Variants in RAPH1 observed in about 807,000 individuals in gnomAD.
The protein encoded by RAPH1 is ras-associated and pleckstrin homology domains-containing protein 1.
In RAPH1, 18 loss-of-function variants were observed where a neutral mutation model predicts 88.1. The observed-to-expected ratio is 0.20, with a 90% CI of 0.14 to 0.30. RAPH1 has a LOEUF of 0.30. Ranked by LOEUF, RAPH1 falls within the 10% of genes least tolerant of loss-of-function variation. The pLI is 1.00. For synonymous variants in RAPH1, 587 were observed against 559.0 expected (o/e 1.05, Z -0.71); for missense variants, 1,448 against 1,543.2 (o/e 0.94, Z 1.03).
At chr2:203,530,891 CAAA>C (rs201025369) in intron 1 of RAPH1, among the ~76,000 whole-genome samples, 1 of 114,096 alleles carries the variant, frequency 8.8e-6, no homozygotes. Flanking sequence ...GACTCCATCT[CAAA>C]AAAAAAAAAA....
intron 10 of RAPH1, among the ~76,000 whole-genome samples, chr2:203,451,752 C>T (rs1438095560): frequency 6.6e-6 from 1 of 152,214 alleles, no homozygotes; most frequent in African/African-American, 2.4e-5. Context: ...CTCCTCCCCA[C>T]TTCTTTCCTG....
intron 10 of RAPH1, among the ~76,000 whole-genome samples, chr2:203,451,033 T>C (rs555867673): frequency 3.3e-5 from 5 of 152,308 alleles, no homozygotes; most frequent in African/African-American, 1.2e-4. Flanking sequence ...TATGAGTCTT[T>C]TTAAGTCAAG....
intron 1 of RAPH1, among the ~76,000 whole-genome samples, chr2:203,529,428 C>G (rs1031848703): frequency 3.9e-5 from 6 of 152,198 alleles, no homozygotes; most frequent in African/African-American, 1.4e-4. Flanking sequence ...ATGGCGCCAT[C>G]TCGGCTCACC....
intron 4 of RAPH1, 22 bp downstream of exon 4, chr2:203,489,562 G>C: frequency 7.0e-7 from 1 of 1,426,140 alleles, no homozygotes; most frequent in Non-Finnish European, 9.3e-7. Flanking sequence ...AAAATACCAG[G>C]GAAAAAGTTC....
intron 4 of RAPH1, among the ~76,000 whole-genome samples, chr2:203,468,136 C>T (rs2098530086): frequency 6.6e-6 from 1 of 152,092 alleles, no homozygotes; most frequent in Admixed American, 6.5e-5. Context: ...TGCTGTATCT[C>T]CAGGGTCATA....
intron 4 of RAPH1, among the ~76,000 whole-genome samples, chr2:203,472,898 T>G (rs2098534379): frequency 6.6e-6 from 1 of 152,192 alleles, no homozygotes; most frequent in Non-Finnish European, 1.5e-5. Context: ...TAATTGTATC[T>G]GATTAATGAC....
chr2:203,455,286 CT>C (rs2098518428), intron 9 of RAPH1, 150 bp downstream of exon 9: 2 of 661,040 alleles, frequency 3.0e-6, no homozygotes, highest in South Asian at 7.3e-5. Flanking sequence ...GTTTCTTCTT[CT>C]TTATAATAGA....
Position 203,510,310 on chromosome 2 carries a change from T to C in RAPH1, c.1-14957A>G, listed in dbSNP as rs545832156. Among the ~76,000 whole-genome samples the C allele has an allele frequency of 1.9e-3, 212 of 110,106 alleles. 7 individuals are homozygous for C. Among genetic ancestry groups the C allele is most frequent in the Middle Eastern group, 0.01 (1 of 96 alleles). 72.2% of individuals were successfully genotyped at this position (110,106 alleles called of 152,430 possible). ...GAGATCATGCCACTGCACTGCAGCCTGGGTGATAGAGCAAAACTCCATCTC... is the reference window on the plus strand; with the variant it reads ...GAGATCATGCCACTGCACTGCAGCCCGGGTGATAGAGCAAAACTCCATCTC... On this transcript the variant is annotated intron_variant, in intron 1 of 13. Coordinates refer to ENST00000319170, the MANE Select transcript of RAPH1 (RefSeq NM_213589.3).
chr2:203,509,421 T>C (rs572096432), intron 1 of RAPH1, among the ~76,000 whole-genome samples: 2 of 152,158 alleles, frequency 1.3e-5, no homozygotes, highest in Admixed American at 6.5e-5. Flanking sequence ...CAGAAAAAAA[T>C]CAGAATTCGG....
intron 4 of RAPH1, among the ~76,000 whole-genome samples, chr2:203,486,653 T>C (rs1048179188): frequency 2.0e-5 from 3 of 152,216 alleles, no homozygotes; most frequent in South Asian, 4.1e-4. Context: ...ACATATCTCA[T>C]AGAACTATTT....
intron 4 of RAPH1, among the ~76,000 whole-genome samples, chr2:203,481,773 T>G (rs1581328799): frequency 6.7e-6 from 1 of 150,012 alleles, no homozygotes; most frequent in East Asian, 2.0e-4. Context: ...TTTTTTTTTT[T>G]GTATTTTTAG....
chr2:203,494,424 C>T (rs946312317), intron 2 of RAPH1, among the ~76,000 whole-genome samples: 3 of 151,990 alleles, frequency 2.0e-5, no homozygotes, highest in Non-Finnish European at 2.9e-5. Flanking sequence ...AACCCAAGAT[C>T]GAATAAAGCA....
At position 203,439,886 on chromosome 2, in the gene RAPH1, C is replaced by G; in HGVS notation, c.3304G>C (p.Ala1102Pro). 1 of 1,613,824 alleles carries G rather than the reference C, an allele frequency of 6.2e-7. No homozygotes were observed. The highest frequency in any genetic ancestry group is 8.5e-7 in the Non-Finnish European group (1 of 1,180,004). ...VFSGNTSPKVAVVNPQPQQWS... is the reference protein window; with the variant it reads ...VFSGNTSPKVPVVNPQPQQWS... ...TGTTGTGGTTGAGGATTAACGACTG[C>G]CACTTTTGGAGAGGTGTTTCCCGAG... is the stretch of plus-strand genomic sequence containing the variant. Residue 1102 changes from alanine to proline, a missense_variant, in exon 14 of 14, where the codon GCA (alanine) becomes CCA (proline). By Grantham distance (27) the Ala-to-Pro change is conservative (BLOSUM62 -1). Around this residue, in one of 2 missense-constraint regions of RAPH1, gnomAD observed 935 missense variants for 890.1 expected, o/e 1.05. Coordinates refer to ENST00000319170, the MANE Select transcript of RAPH1 (RefSeq NM_213589.3).
intron 1 of RAPH1, among the ~76,000 whole-genome samples, chr2:203,506,881 GATAT>G (rs1206268313): frequency 6.6e-5 from 2 of 30,348 alleles, no homozygotes; most frequent in African/African-American, 3.3e-4. Flanking sequence ...TATATATATA[GATAT>G]ATATATATAT....
At chr2:203,506,812 C>CTATATATCTATATATATATCTATA (rs71007524) in intron 1 of RAPH1, among the ~76,000 whole-genome samples, 2 of 52,196 alleles carry the variant, frequency 3.8e-5, no homozygotes, top group Non-Finnish European at 6.4e-5. Flanking sequence ...ATATCTATAT[C>CTATATATCTATATATATATCTATA]TATATATCTA....
intron 4 of RAPH1, among the ~76,000 whole-genome samples, chr2:203,473,783 A>G (rs1265588301): frequency 6.6e-6 from 1 of 152,020 alleles, no homozygotes; most frequent in African/African-American, 2.4e-5. Context: ...GCCTTCTTAT[A>G]TTTTCTTTTA....
chr2:203,529,788 A>G (rs750449974), intron 1 of RAPH1, among the ~76,000 whole-genome samples: 12 of 152,216 alleles, frequency 7.9e-5, no homozygotes, highest in Admixed American at 1.3e-4. Flanking sequence ...AAATTTTAAT[A>G]GTCTAACATA....
Position 203,528,979 on chromosome 2 carries a change from CTATATATA to C in RAPH1, c.-1+6124_-1+6131del, listed in dbSNP as rs71408946. 2.9e-3 allele frequency among the ~76,000 whole-genome samples: 179 copies of C among 61,222 alleles called. 1 individual carries two copies. Among genetic ancestry groups the C allele is most frequent in the African/African-American group, 0.011 (147 of 13,076 alleles). 40.2% of individuals were successfully genotyped at this position (61,222 alleles called of 152,430 possible). ...TCAAGTCATATTACTGGTTGTTTTG[CTATATATA>C]TATATATATATATATATATTTTTTT... On this transcript the variant is annotated intron_variant, in intron 1 of 13. Transcript: ENST00000319170.
At chr2:203,491,079 A>T in intron 3 of RAPH1, 135 bp downstream of exon 3, 3 of 523,824 alleles carry the variant, frequency 5.7e-6, no homozygotes, top group East Asian at 3.3e-5. Flanking sequence ...AAAAGAAAAA[A>T]GAAATTTAAG....
Sources: allele counts gnomAD v4.1 joint callset (sites outside exome capture counted in the v4.1 genomes callset), GRCh38; gene constraint gnomAD v4.1.1; regional missense constraint gnomAD v4.1.1; transcripts MANE v1.5; gene names NCBI Gene and HGNC (gene_info 2026-07-23, HGNC 2026-07-21).